Variants in TAAR5 observed in about 807,000 individuals in gnomAD.
TAAR5 encodes trace amine-associated receptor 5.
Under a neutral mutation model 21.1 loss-of-function variants are expected in TAAR5, and 27 were observed. That is an observed-to-expected ratio of 1.28 (90% CI 0.94 to 1.76). The LOEUF (loss-of-function observed/expected upper bound fraction) is 1.76. Among genes scored for constraint, TAAR5 ranks in the 40% most tolerant of loss-of-function variants. TAAR5 has a pLI of 0.00. For synonymous variants in TAAR5, 203 were observed against 167.5 expected (o/e 1.21, Z -1.64); for missense variants, 495 against 405.6 (o/e 1.22, Z -1.89).
the TAAR5 span, among the ~76,000 whole-genome samples, chr6:132,605,965 T>TG: frequency 0.42 from 63,561 of 151,862 alleles, 13,757 homozygotes; most frequent in African/African-American, 0.52. Context: ...GCAACATGTA[T>TG]TAGCTGGAAA....
chr6:132,592,553 T>C (rs1776921578), upstream of TAAR5, among the ~76,000 whole-genome samples: 1 of 152,200 alleles, frequency 6.6e-6, no homozygotes, highest in South Asian at 2.1e-4. Context: ...GTGTTGGAGG[T>C]GGGGCCTGGT....
At chr6:132,607,482 C>A in the TAAR5 span, among the ~76,000 whole-genome samples, 1 of 151,970 alleles carries the variant, frequency 6.6e-6, no homozygotes, top group African/African-American at 2.4e-5. Context: ...TGGGGGGTAC[C>A]CTAAGGAAGA....
chr6:132,614,753 A>G, the TAAR5 span, among the ~76,000 whole-genome samples: 1 of 152,226 alleles, frequency 6.6e-6, no homozygotes, highest in Non-Finnish European at 1.5e-5. Context: ...AGGAGCTTCC[A>G]GATAGGCACT....
chr6:132,601,561 T>C, the TAAR5 span, among the ~76,000 whole-genome samples: 2 of 152,236 alleles, frequency 1.3e-5, no homozygotes, highest in Admixed American at 1.3e-4. Context: ...ACAACCACGG[T>C]ATTTACTGAT....
At chr6:132,604,769 C>G in the TAAR5 span, among the ~76,000 whole-genome samples, 2 of 152,192 alleles carry the variant, frequency 1.3e-5, no homozygotes, top group Non-Finnish European at 2.9e-5. Context: ...GCACAGCCAA[C>G]CTGGGTGACT....
chr6:132,601,139 A>AGGAG, the TAAR5 span, among the ~76,000 whole-genome samples: 91 of 144,446 alleles, frequency 6.3e-4, no homozygotes, highest in African/African-American at 1.0e-3. Context: ...GAAAGAAGGA[A>AGGAG]GGAAGGAGGG....
At chr6:132,612,200 G>A in the TAAR5 span, among the ~76,000 whole-genome samples, 336 of 152,244 alleles carry the variant, frequency 2.2e-3, 1 homozygote, top group African/African-American at 7.9e-3. Flanking sequence ...TCACCACCAT[G>A]AGACAAGTAA....
At chr6:132,593,988 C>T (rs1462465586), upstream of TAAR5, among the ~76,000 whole-genome samples, 2 of 152,184 alleles carry the variant, frequency 1.3e-5, no homozygotes, top group African/African-American at 4.8e-5. Context: ...CAAGCAACAA[C>T]AATCTCAAGA....
chr6:132,598,883 G>A, the TAAR5 span, among the ~76,000 whole-genome samples: 1 of 152,140 alleles, frequency 6.6e-6, no homozygotes, highest in East Asian at 1.9e-4. Context: ...AAGGATGGGA[G>A]AGAGGAAGGA....
the TAAR5 span, among the ~76,000 whole-genome samples, chr6:132,606,357 G>A: frequency 1.3e-5 from 2 of 152,258 alleles, no homozygotes; most frequent in East Asian, 1.9e-4. Context: ...ACAAGTAGAA[G>A]GACCAGCGGG....
At chr6:132,598,714 T>C in the TAAR5 span, among the ~76,000 whole-genome samples, 3 of 152,162 alleles carry the variant, frequency 2.0e-5, no homozygotes, top group Admixed American at 1.3e-4. Flanking sequence ...CAGCAAGAGA[T>C]TATAGTTAAG....
At chr6:132,600,121 T>C in the TAAR5 span, among the ~76,000 whole-genome samples, 1 of 152,124 alleles carries the variant, frequency 6.6e-6, no homozygotes, top group African/African-American at 2.4e-5. Flanking sequence ...CCCCTCAGAA[T>C]GTGTTCTCAG....
At chr6:132,614,901 G>A in the TAAR5 span, among the ~76,000 whole-genome samples, 1 of 152,114 alleles carries the variant, frequency 6.6e-6, no homozygotes, top group Admixed American at 6.6e-5. Flanking sequence ...GTCTCACTCT[G>A]TCGCCAGGCT....
At chr6:132,590,258 A>G (rs1027101033), upstream of TAAR5, among the ~76,000 whole-genome samples, 1 of 152,224 alleles carries the variant, frequency 6.6e-6, no homozygotes, top group Admixed American at 6.5e-5. Flanking sequence ...GCTACATGCC[A>G]ACTCTTCCCA....
the TAAR5 span, among the ~76,000 whole-genome samples, chr6:132,595,712 G>A: frequency 6.5e-3 from 987 of 152,248 alleles, 8 homozygotes; most frequent in African/African-American, 0.022. Flanking sequence ...GCAGGTGAAC[G>A]CATGTTCCAG....
chr6:132,609,414 A>G, the TAAR5 span: 1 of 162,094 alleles, frequency 6.2e-6, no homozygotes, highest in African/African-American at 2.4e-5. Context: ...CTTCAATTGT[A>G]ATTTATTTAA....
the TAAR5 span, among the ~76,000 whole-genome samples, chr6:132,602,365 A>C: frequency 6.6e-6 from 1 of 152,326 alleles, no homozygotes; most frequent in Non-Finnish European, 1.5e-5. Context: ...GGCTCCATCC[A>C]GGGGTGATGG....
the TAAR5 span, chr6:132,608,380 A>C: frequency 1.5e-4 from 67 of 455,876 alleles, 1 homozygote; most frequent in Non-Finnish European, 2.9e-4. Flanking sequence ...AGTAGAGTTG[A>C]AGTACCGGAG....
At chr6:132,599,786 C>A in the TAAR5 span, among the ~76,000 whole-genome samples, 1 of 152,238 alleles carries the variant, frequency 6.6e-6, no homozygotes, top group African/African-American at 2.4e-5. Context: ...ATATGCTCAT[C>A]TGGGTTTATA....
Sources: allele counts gnomAD v4.1 joint callset (sites outside exome capture counted in the v4.1 genomes callset), GRCh38; gene constraint gnomAD v4.1.1; transcripts MANE v1.5; gene names NCBI Gene and HGNC (gene_info 2026-07-23, HGNC 2026-07-21).